The following CPEB3 variants were observed in gnomAD, a reference collection of about 807,000 sequenced individuals.
The protein encoded by CPEB3 is cytoplasmic polyadenylation element-binding protein 3.
In CPEB3, 20 loss-of-function variants were observed where a neutral mutation model predicts 67.2. The ratio of observed to expected loss-of-function variants is 0.30; its 90% CI spans 0.21 to 0.43. The LOEUF is 0.43. Ranked by LOEUF, CPEB3 falls within the 20% of genes least tolerant of loss-of-function variation. The pLI is 1.00. For missense variants in CPEB3, 746 were observed against 968.6 expected (o/e 0.77, Z 3.05); for synonymous variants, 376 against 393.1 (o/e 0.96, Z 0.51).
intron 1 of CPEB3, among the ~76,000 whole-genome samples, chr10:92,267,978 C>T (rs970220066): frequency 1.9e-4 from 29 of 152,002 alleles, no homozygotes; most frequent in African/African-American, 7.0e-4. Flanking sequence ...ACCACAATGC[C>T]CAGCTAATTT....
chr10:92,268,186 T>C (rs1773115381), intron 1 of CPEB3, among the ~76,000 whole-genome samples: 1 of 152,182 alleles, frequency 6.6e-6, no homozygotes, highest in Admixed American at 6.6e-5. Context: ...CATTTTGACA[T>C]GTTTGATTTA....
chr10:92,165,546 T>C (rs1251774890), intron 4 of CPEB3, among the ~76,000 whole-genome samples: 2 of 152,014 alleles, frequency 1.3e-5, no homozygotes, highest in Admixed American at 6.6e-5. Context: ...GCCACATCGA[T>C]TGACTCTTCT....
At position 92,081,597 on chromosome 10, in the gene CPEB3, T is replaced by C; in HGVS notation, c.1688-96A>G. Reference sequence around the variant, plus strand: ...ATTATTTAGAGATCATGCAATGTAATTAAGAAAAGGAAAACCCATGTTAAG... The same window carrying C: ...ATTATTTAGAGATCATGCAATGTAACTAAGAAAAGGAAAACCCATGTTAAG... On this transcript the variant is annotated intron_variant, in intron 8 of 9. Transcript: ENST00000265997. 2.7e-6 allele frequency: 3 copies of C among 1,110,192 alleles called. No homozygotes were observed. In the South Asian group the frequency reaches 4.7e-5, roughly 17 times the overall value. The allele number at this position is 1,110,192 out of a possible 1,614,324, so 68.8% of individuals were successfully genotyped here.
At chr10:92,141,294 T>C (rs889787706) in intron 6 of CPEB3, among the ~76,000 whole-genome samples, 31 of 151,682 alleles carry the variant, frequency 2.0e-4, no homozygotes, top group African/African-American at 7.5e-4. Flanking sequence ...TGGAATACTA[T>C]GCAGCCATAA....
chr10:92,253,463 C>CAA lies in CPEB3; in HGVS notation c.-11-13104_-11-13103dup, dbSNP rs370091703. On this transcript the variant is annotated intron_variant, in intron 1 of 9. Transcript: ENST00000265997. ...AACAGAGCAAGACTCTGTCTCAAAA[C>CAA]AAAAAAAAAAAAAAAAAAAAAGAAA... is the stretch of plus-strand genomic sequence containing the variant. 5.7e-3 allele frequency among the ~76,000 whole-genome samples: 439 copies of CAA among 76,832 alleles called. 3 individuals carry two copies. Among genetic ancestry groups the CAA allele is most frequent in the Middle Eastern group, 0.024 (2 of 84 alleles). The allele number at this position is 76,832 out of a possible 152,430, so 50.4% of individuals were successfully genotyped here.
intron 1 of CPEB3, among the ~76,000 whole-genome samples, chr10:92,285,988 T>A (rs1050144461): frequency 6.6e-6 from 1 of 150,816 alleles, no homozygotes; most frequent in African/African-American, 2.4e-5. Flanking sequence ...CAGGCTGGAG[T>A]GCAGTGGTAC....
chr10:92,052,332 C>T lies in CPEB3; in HGVS notation c.1977G>A (p.Leu659=), dbSNP rs765854491. 1.2e-6 allele frequency: 2 copies of T among 1,614,224 alleles called. No homozygotes were observed. The highest frequency in any genetic ancestry group is 8.5e-7 in the Non-Finnish European group (1 of 1,180,046). ...APFFCANVTC[L]QYYCEYCWAS... The stretch of plus-strand genomic sequence containing the variant: ...CCCAGCAGTATTCACAGTAATACTG[C>T]AGACAGGTGACGTTGGCACAGAAGA... Residue 659 remains leucine (L), a synonymous_variant, in exon 10 of 10, where the codon CTG becomes CTA. Transcript: ENST00000265997.
At chr10:92,188,258 G>A (rs1011290096) in intron 3 of CPEB3, among the ~76,000 whole-genome samples, 1 of 123,384 alleles carries the variant, frequency 8.1e-6, no homozygotes, top group East Asian at 2.7e-4. Context: ...CTCTTCAAAA[G>A]CCTCCTTTCT....
At chr10:92,256,590 T>C (rs1852525866) in intron 1 of CPEB3, among the ~76,000 whole-genome samples, 1 of 152,144 alleles carries the variant, frequency 6.6e-6, no homozygotes, top group African/African-American at 2.4e-5. Flanking sequence ...TTTCACCATG[T>C]TGGCCAGGAT....
In CPEB3 at chr10:92,239,101, C is replaced by A. The variant is rs1464678909; in HGVS notation, c.1005+245G>T. Among the ~76,000 whole-genome samples the A allele has an allele frequency of 6.6e-6, 1 of 152,116 alleles. No homozygotes were observed. The highest frequency in any genetic ancestry group is 2.4e-5 in the African/African-American group (1 of 41,424). ...CAAACACCATGAAGGAGAAAATAAA[C>A]TAAAAGAAAAAGGCTTCTTCTACCC... On this transcript the variant is annotated intron_variant, in intron 2 of 9. Transcript: ENST00000265997. The surrounding 1 kb of genome is among the most constrained non-coding windows in gnomAD (Gnocchi z 6.0).
intron 6 of CPEB3, among the ~76,000 whole-genome samples, chr10:92,128,455 T>A (rs747649277): frequency 6.6e-5 from 10 of 152,182 alleles, no homozygotes; most frequent in Non-Finnish European, 1.2e-4. Context: ...TCAGTTATGG[T>A]ACAAACTCCT....
At chr10:92,279,751 T>C (rs1842172225) in intron 1 of CPEB3, among the ~76,000 whole-genome samples, 1 of 151,944 alleles carries the variant, frequency 6.6e-6, no homozygotes, top group African/African-American at 2.4e-5. Flanking sequence ...TCAATAAAAA[T>C]AAAAACTAGG....
intron 4 of CPEB3, among the ~76,000 whole-genome samples, chr10:92,168,613 G>A (rs1343785477): frequency 1.3e-5 from 2 of 152,012 alleles, no homozygotes; most frequent in East Asian, 3.9e-4. Flanking sequence ...TCGTGATAGT[G>A]AAGTGAGTTC....
intron 1 of CPEB3, among the ~76,000 whole-genome samples, chr10:92,262,263 A>C (rs1043369855): frequency 6.6e-6 from 1 of 152,204 alleles, no homozygotes; most frequent in African/African-American, 2.4e-5. Flanking sequence ...GATGTGTAAA[A>C]AGAACATGGG....
chr10:92,153,857 T>C (rs1847079761), intron 4 of CPEB3, among the ~76,000 whole-genome samples: 1 of 152,152 alleles, frequency 6.6e-6, no homozygotes, highest in Non-Finnish European at 1.5e-5. Flanking sequence ...ACAGAGACCA[T>C]AAAAACTCAT....
Position 92,048,383 on chromosome 10 carries a change from T to TCACA in CPEB3, c.*3828_*3829insTGTG, listed in dbSNP as rs373292872. ...GTTTTTCTCTCTCTCTCTCTCTCTC[T>TCACA]CTCTCACACACACACACACACACAC... On this transcript the variant is annotated 3_prime_UTR_variant, in exon 10 of 10. Transcript: ENST00000265997. The surrounding 1 kb of genome is among the most constrained non-coding windows in gnomAD (Gnocchi z 4.1). 316 of 76,122 alleles carry TCACA rather than the reference T, an allele frequency of 4.2e-3. No homozygotes were observed. The highest frequency in any genetic ancestry group is 0.031 in the South Asian group (41 of 1,326). 4.7% of individuals were successfully genotyped at this position (76,122 alleles called of 1,614,324 possible).
chr10:92,093,146 C>A (rs1275773480), intron 7 of CPEB3, among the ~76,000 whole-genome samples: 1 of 152,174 alleles, frequency 6.6e-6, no homozygotes, highest in Non-Finnish European at 1.5e-5. Flanking sequence ...TGCACGGTCT[C>A]AAAACCAACC....
chr10:92,277,003 C>T (rs1309662724), intron 1 of CPEB3, among the ~76,000 whole-genome samples: 2 of 152,190 alleles, frequency 1.3e-5, no homozygotes, highest in African/African-American at 4.8e-5. Flanking sequence ...TATATCCATT[C>T]AGATCCTTTA....
At chr10:92,146,763 A>G (rs573351832) in intron 4 of CPEB3, among the ~76,000 whole-genome samples, 3 of 152,332 alleles carry the variant, frequency 2.0e-5, no homozygotes, top group African/African-American at 7.2e-5. Context: ...CATGCCACCC[A>G]TCTTTTTTAG....
Sources: gnomAD v4.1 joint callset for allele counts (sites outside exome capture counted in the v4.1 genomes callset) on GRCh38, gnomAD v4.1.1 for gene constraint, Gnocchi (gnomAD v3.1) non-coding constraint, MANE v1.5 for transcripts, NCBI Gene and HGNC (gene_info 2026-07-23, HGNC 2026-07-21) for gene names.